The following IL1RAPL1 variants were observed in gnomAD, a reference collection of about 807,000 sequenced individuals.
IL1RAPL1 encodes the protein interleukin-1 receptor accessory protein-like 1.
A neutral mutation model predicts 48.4 loss-of-function variants in IL1RAPL1; 3 were observed. That is an observed-to-expected ratio of 0.06 (90% confidence interval 0.03 to 0.16). The LOEUF is 0.16. Ranked by LOEUF, IL1RAPL1 falls within the 10% of genes least tolerant of loss-of-function variation. The pLI, the probability that IL1RAPL1 is intolerant of heterozygous loss-of-function variation, is 1.00. For missense variants in IL1RAPL1, 349 were observed against 530.6 expected, an observed-to-expected ratio of 0.66 and a Z score of 3.36; for synonymous variants, 185 against 187.7, an observed-to-expected ratio of 0.99 and a Z score of 0.12.
chrX:29,324,205 A>T (rs1372993916), intron 3 of IL1RAPL1, among the ~76,000 whole-genome samples: 1 of 111,349 alleles, frequency 9.0e-6, no homozygotes, highest in African/African-American at 3.3e-5. Flanking sequence ...AGGAATGGAA[A>T]GAGGGTGATC....
chrX:29,693,802 T>C (rs185243677), intron 6 of IL1RAPL1, among the ~76,000 whole-genome samples: 177 of 110,294 alleles, frequency 1.6e-3, no homozygotes, highest in Non-Finnish European at 2.8e-3. Flanking sequence ...ATGGAAGTAG[T>C]GAAATGATTC....
intron 3 of IL1RAPL1, among the ~76,000 whole-genome samples, chrX:29,315,093 G>C (rs754759198): frequency 9.0e-6 from 1 of 111,292 alleles, no homozygotes. Context: ...GTCAGCCAAG[G>C]GTCCGATCAT....
chrX:28,852,865 C>T (rs770893452), intron 2 of IL1RAPL1, among the ~76,000 whole-genome samples: 10 of 98,185 alleles, frequency 1.0e-4, no homozygotes, highest in Non-Finnish European at 1.9e-4. Context: ...TCCTTAATCT[C>T]TTTGTGCTTT....
intron 5 of IL1RAPL1, among the ~76,000 whole-genome samples, chrX:29,593,880 C>G (rs764860261): frequency 1.8e-5 from 2 of 111,921 alleles, no homozygotes; most frequent in African/African-American, 3.2e-5. Context: ...TGGTTAAAAC[C>G]CAAATGTGTC....
intron 2 of IL1RAPL1, among the ~76,000 whole-genome samples, chrX:29,004,328 C>T (rs1239717516): frequency 8.9e-6 from 1 of 112,139 alleles, no homozygotes; most frequent in African/African-American, 3.2e-5. Context: ...CATGTGTATA[C>T]TCTAACAAAG....
intron 5 of IL1RAPL1, among the ~76,000 whole-genome samples, chrX:29,594,885 C>A (rs1259625671): frequency 4.5e-5 from 5 of 111,099 alleles, no homozygotes; most frequent in African/African-American, 1.6e-4. Context: ...CCTCACCAAC[C>A]CCCACCCTTT....
intron 2 of IL1RAPL1, among the ~76,000 whole-genome samples, chrX:29,204,327 A>G (rs1569259072): frequency 8.9e-6 from 1 of 112,009 alleles, no homozygotes; most frequent in Non-Finnish European, 1.9e-5. Flanking sequence ...ACTACTTTAC[A>G]TTCCCACCAA....
intron 6 of IL1RAPL1, among the ~76,000 whole-genome samples, chrX:29,672,818 T>C (rs1926175666): frequency 8.9e-6 from 1 of 112,058 alleles, no homozygotes; most frequent in Non-Finnish European, 1.9e-5. Context: ...CTCTTATTTT[T>C]CTTTACTAAT....
At chrX:28,899,700 T>C (rs1923025369) in intron 2 of IL1RAPL1, among the ~76,000 whole-genome samples, 1 of 111,479 alleles carries the variant, frequency 9.0e-6, no homozygotes, top group African/African-American at 3.3e-5. Flanking sequence ...CCAGCAGAGA[T>C]GAGCCAATTG....
intron 8 of IL1RAPL1, among the ~76,000 whole-genome samples, chrX:29,941,432 A>T (rs1323441023): frequency 8.9e-6 from 1 of 112,127 alleles, no homozygotes; most frequent in Non-Finnish European, 1.9e-5. Context: ...AATGTTGCTT[A>T]GCAACATGGT....
At chrX:29,372,978 G>C (rs1274480594) in intron 3 of IL1RAPL1, among the ~76,000 whole-genome samples, 1 of 110,208 alleles carries the variant, frequency 9.1e-6, no homozygotes, top group Non-Finnish European at 1.9e-5. Context: ...CTTGTAGTTT[G>C]ATAGAAATAG....
At chrX:29,230,379 T>A (rs1931167081) in intron 2 of IL1RAPL1, among the ~76,000 whole-genome samples, 1 of 107,428 alleles carries the variant, frequency 9.3e-6, no homozygotes, top group Non-Finnish European at 1.9e-5. Context: ...AAATGAGTAC[T>A]GTTAATTAGG....
chrX:28,903,101 A>G (rs780091462), intron 2 of IL1RAPL1, among the ~76,000 whole-genome samples: 1 of 111,122 alleles, frequency 9.0e-6, no homozygotes, highest in Non-Finnish European at 1.9e-5. Context: ...CTTCAGTCAC[A>G]TATTTTCTTT....
At chrX:29,333,882 G>A (rs866392843) in intron 3 of IL1RAPL1, among the ~76,000 whole-genome samples, 5 of 81,019 alleles carry the variant, frequency 6.2e-5, no homozygotes, top group African/African-American at 1.0e-4. Flanking sequence ...GCCGGGCAGA[G>A]GCGCCCCTCA....
chrX:29,705,548 T>C (rs1569150297), intron 6 of IL1RAPL1, among the ~76,000 whole-genome samples: 1 of 112,259 alleles, frequency 8.9e-6, no homozygotes, highest in East Asian at 2.8e-4. Context: ...TTGGCCCTCC[T>C]CCTAGCCCCA....
chrX:28,792,850 T>TAA (rs758898547), intron 2 of IL1RAPL1, among the ~76,000 whole-genome samples: 7 of 42,373 alleles, frequency 1.7e-4, no homozygotes, highest in South Asian at 1.9e-3. Context: ...TATATATATA[T>TAA]AAAAAATAAG....
chrX:29,738,139 T>A (rs1928096781), intron 6 of IL1RAPL1, among the ~76,000 whole-genome samples: 1 of 112,286 alleles, frequency 8.9e-6, no homozygotes, highest in Non-Finnish European at 1.9e-5. Flanking sequence ...CAGGCTACTT[T>A]GCGAATCAAT....
intron 5 of IL1RAPL1, among the ~76,000 whole-genome samples, chrX:29,416,137 T>G (rs981731138): frequency 8.9e-6 from 1 of 112,022 alleles, no homozygotes; most frequent in African/African-American, 3.2e-5. Flanking sequence ...GACACCAGAT[T>G]ACCAGGAACA....
At chrX:29,056,852 C>T (rs941989403) in intron 2 of IL1RAPL1, among the ~76,000 whole-genome samples, 1 of 112,011 alleles carries the variant, frequency 8.9e-6, no homozygotes, top group African/African-American at 3.2e-5. Context: ...CCCGTAAGAG[C>T]ATTTTAAAAT....
Sources: gnomAD v4.1 joint callset for allele counts (sites outside exome capture counted in the v4.1 genomes callset) on GRCh38, gnomAD v4.1.1 for gene constraint, MANE v1.5 for transcripts, NCBI Gene and HGNC (gene_info 2026-07-23, HGNC 2026-07-21) for gene names.